The following KIF17 variants were observed in gnomAD, a reference collection of about 807,000 sequenced individuals.
KIF17 encodes the protein kinesin family member 17, also known as kinesin-like protein KIF17.
KIF17 carries 80 observed loss-of-function variants against 96.8 expected under a neutral mutation model. That is an observed-to-expected ratio of 0.83 (90% CI 0.69 to 1.00). KIF17 has a LOEUF of 1.00. Among genes scored for constraint, KIF17 ranks in the 50% least tolerant of loss-of-function variants. The pLI is 0.00. For missense variants in KIF17, 1,280 were observed against 1,372.9 expected (o/e 0.93, Z 1.07); for synonymous variants, 567 against 587.5 (o/e 0.97, Z 0.51).
intron 6 of KIF17, 106 bp downstream of exon 6, chr1:20,698,273 G>T: frequency 2.6e-6 from 2 of 779,444 alleles, no homozygotes; most frequent in Non-Finnish European, 4.5e-6. Flanking sequence ...CAAACCCACG[G>T]TGAAGGTACG....
intron 6 of KIF17, among the ~76,000 whole-genome samples, chr1:20,696,390 G>A (rs1042988273): frequency 2.0e-4 from 31 of 152,198 alleles, no homozygotes; most frequent in South Asian, 4.1e-4. Flanking sequence ...CATCTTCAAC[G>A]CTTCCTCCAA....
In KIF17 at chr1:20,685,750, C is replaced by T. The variant is rs140090342; in HGVS notation, c.2019+296G>A. 2.0e-4 allele frequency among the ~76,000 whole-genome samples: 30 copies of T among 152,308 alleles called. No homozygotes were observed. In the East Asian group the frequency reaches 5.0e-3, roughly 26 times the overall value. On this transcript the variant is annotated intron_variant, in intron 9 of 14. Transcript: ENST00000400463. The surrounding 1 kb of genome is among the most constrained non-coding windows in gnomAD (Gnocchi z 4.1). The stretch of plus-strand genomic sequence containing the variant: ...GCCACCAGCCCTGACCTGCAGCCCT[C>T]GTCCTTTGCACACACTGGGCCTCAA...
In KIF17 at chr1:20,664,328, CG is replaced by C; in HGVS notation, c.*255del. On this transcript the variant is annotated 3_prime_UTR_variant, in exon 15 of 15. Coordinates refer to ENST00000400463, the MANE Select transcript of KIF17 (RefSeq NM_001122819.3). ...GTGGGCTCTGTGGCAGGTGAGCAGA[CG>C]GAAACACTGATGTGGTATGAACAGC... 7.2e-7 allele frequency: 1 copy of C among 1,393,656 alleles called. No individual in the cohort carries two copies. Among genetic ancestry groups the C allele is most frequent in the East Asian group, 2.7e-5 (1 of 36,546 alleles). 86.3% of individuals were successfully genotyped at this position (1,393,656 alleles called of 1,614,324 possible). A position where few individuals can be genotyped will look rare whatever the true frequency, so the allele number is the denominator to read the frequency against.
At chr1:20,705,893 CTTTTTTTTTTTTTTT>C (rs747719983) in intron 4 of KIF17, among the ~76,000 whole-genome samples, 21 of 53,566 alleles carry the variant, frequency 3.9e-4, no homozygotes, top group Middle Eastern at 0.019. Context: ...TAGGATGTCT[CTTTTTTTTTTTTTTT>C]TTTTTTTTTT....
chr1:20,693,399 G>A lies in KIF17; in HGVS notation c.1234-3064C>T, dbSNP rs34412999. On this transcript the variant is annotated intron_variant, in intron 6 of 14. Transcript: ENST00000400463. The stretch of plus-strand genomic sequence containing the variant: ...CCCACCTCAGCCTCCCGAGAAGCTG[G>A]GACCACAGGCACCCACCACCACACT... 4.3e-3 allele frequency among the ~76,000 whole-genome samples: 656 copies of A among 151,608 alleles called. 2 individuals carry two copies. Among genetic ancestry groups the A allele is most frequent in the Middle Eastern group, 6.8e-3 (2 of 294 alleles).
At chr1:20,678,581 C>T (rs145551515) in intron 11 of KIF17, among the ~76,000 whole-genome samples, 181 of 152,122 alleles carry the variant, frequency 1.2e-3, no homozygotes, top group African/African-American at 4.0e-3. Flanking sequence ...AGACAGAGAA[C>T]GCTGGAACCT....
At chr1:20,713,998 C>A (rs1344866373) in intron 2 of KIF17, among the ~76,000 whole-genome samples, 1 of 151,976 alleles carries the variant, frequency 6.6e-6, no homozygotes, top group Non-Finnish European at 1.5e-5. Flanking sequence ...ACCAGCCTGA[C>A]CAACAAGGTG....
intron 4 of KIF17, among the ~76,000 whole-genome samples, chr1:20,705,539 T>A (rs533908205): frequency 2.0e-4 from 31 of 152,306 alleles, no homozygotes; most frequent in African/African-American, 6.3e-4. Flanking sequence ...AGCCGCTGCC[T>A]CTGTGCCGGC....
Position 20,706,683 on chromosome 1 carries a change from C to T in KIF17, c.671-1784G>A, listed in dbSNP as rs999247205. 2.6e-5 allele frequency among the ~76,000 whole-genome samples: 4 copies of T among 151,708 alleles called. No homozygotes were observed. In the East Asian group the frequency reaches 5.9e-4, roughly 22 times the overall value. ...GGAGGATTGCTTGACCCCAGGAGTT[C>T]GAGACCAGCCTGGAAAACATGGCAA... is the stretch of plus-strand genomic sequence containing the variant. On this transcript the variant is annotated intron_variant, in intron 4 of 14. Transcript: ENST00000400463.
Position 20,709,634 on chromosome 1 carries a change from C to A in KIF17, c.670+5G>T, listed in dbSNP as rs2054401784. 4.3e-6 allele frequency: 7 copies of A among 1,613,908 alleles called. No homozygotes were observed. Among genetic ancestry groups the A allele is most frequent in the Non-Finnish European group, 5.9e-6 (7 of 1,180,006 alleles). ...CCCCCTGCCCCCAACAATGGCCTCG[C>A]ATACCCACGGCAGACATCTCGATGC... On this transcript the variant is annotated splice_donor_5th_base_variant and intron_variant, in intron 4 of 14. Coordinates refer to ENST00000400463, the MANE Select transcript of KIF17 (RefSeq NM_001122819.3). The surrounding 1 kb of genome is among the most constrained non-coding windows in gnomAD (Gnocchi z 4.7).
At chr1:20,673,254 A>G (rs762699609) in intron 11 of KIF17, among the ~76,000 whole-genome samples, 5 of 151,928 alleles carry the variant, frequency 3.3e-5, no homozygotes, top group Non-Finnish European at 5.9e-5. Flanking sequence ...AAAATAAAAG[A>G]AGGATGTTTG....
intron 14 of KIF17, among the ~76,000 whole-genome samples, chr1:20,665,550 C>T (rs1346742227): frequency 3.9e-5 from 6 of 151,944 alleles, no homozygotes; most frequent in Non-Finnish European, 7.4e-5. Context: ...CAGGCACACG[C>T]CACTACCGCC....
rs778812661 is a variant in KIF17 at position 20,717,697 on chromosome 1, C to T, written c.10G>A (p.Glu4Lys). 2 of 1,591,348 alleles carry T rather than the reference C, an allele frequency of 1.3e-6. No individual in the cohort carries two copies. The highest frequency in any genetic ancestry group is 1.7e-6 in the Non-Finnish European group (2 of 1,174,988). The change falls in exon 1 of 15, where the codon GAG becomes AAG. Residue 4 changes from glutamate to lysine, a missense_variant. Coordinates refer to ENST00000400463, the MANE Select transcript of KIF17 (RefSeq NM_001122819.3). ...CAGCGCACGACAACCTTCACCGCCTCGGAGGCCATGGCGCCGCGCCCAGGA... is the reference window on the plus strand; with the variant it reads ...CAGCGCACGACAACCTTCACCGCCTTGGAGGCCATGGCGCCGCGCCCAGGA... MAS[E>K]AVKVVVRCRP...
chr1:20,717,297 T>C (rs519209), intron 1 of KIF17, 179 bp downstream of exon 1: 424,230 of 652,460 alleles, frequency 0.65, 139,430 homozygotes, highest in East Asian at 0.84. Context: ...GGAGGCGACA[T>C]TAGAGGCAGG....
At chr1:20,706,213 T>C (rs577141931) in intron 4 of KIF17, among the ~76,000 whole-genome samples, 12 of 151,658 alleles carry the variant, frequency 7.9e-5, no homozygotes, top group Non-Finnish European at 1.3e-4. Context: ...GACTTGTTGA[T>C]TTTTCTTTAG....
Position 20,709,380 on chromosome 1 carries a change from A to T in KIF17, c.670+259T>A, listed in dbSNP as rs1468073816. On this transcript the variant is annotated intron_variant, in intron 4 of 14. Transcript: ENST00000400463. This position sits in a 1 kb window ranked among gnomAD's most constrained non-coding sequence, Gnocchi z 4.7. ...GGTGACAGGGTGACACTTTGTCTCA[A>T]AAAACAAATAAATAAATAAAAATTG... Among the ~76,000 whole-genome samples, 2 of 152,164 alleles carry T rather than the reference A, an allele frequency of 1.3e-5. No individual in the cohort carries two copies. The highest frequency in any genetic ancestry group is 4.8e-5 in the African/African-American group (2 of 41,434).
At position 20,685,046 on chromosome 1, in the gene KIF17, G is replaced by C; in HGVS notation, c.2020-26C>G. 2 of 1,554,692 alleles carry C rather than the reference G, an allele frequency of 1.3e-6. No individual in the cohort carries two copies. The highest frequency in any genetic ancestry group is 1.7e-6 in the Non-Finnish European group (2 of 1,146,140). ...CTGAGTGTGAAGAGAAACCCAGGTG[G>C]AGGTGGGAAGGCCGCCCCAACCCCC... is the stretch of plus-strand genomic sequence containing the variant. On this transcript the variant is annotated intron_variant, in intron 9 of 14. Coordinates refer to ENST00000400463, the MANE Select transcript of KIF17 (RefSeq NM_001122819.3). This position sits in a 1 kb window ranked among gnomAD's most constrained non-coding sequence, Gnocchi z 4.1.
chr1:20,684,627 T>C (rs1407875669), intron 10 of KIF17, among the ~76,000 whole-genome samples, 182 bp downstream of exon 10: 1 of 152,148 alleles, frequency 6.6e-6, no homozygotes, highest in African/African-American at 2.4e-5. Flanking sequence ...GGTGGCAGCC[T>C]GTGTCTGGAG....
chr1:20,690,260 C>T lies in KIF17; in HGVS notation c.1309G>A (p.Asp437Asn). 1 of 1,603,500 alleles carries T rather than the reference C, an allele frequency of 6.2e-7. No homozygotes were observed. The highest frequency in any genetic ancestry group is 8.5e-7 in the Non-Finnish European group (1 of 1,175,334). ...EQESRARLEE[D>N]ITAMRNSYDV... ...TATGAGTTGCGCATGGCAGTGATGT[C>T]TTCCTCCAGCCTGGCCCGAGACTCC... Residue 437 changes from aspartate to asparagine, a missense_variant, in exon 7 of 15, where the codon GAC (aspartate) becomes AAC (asparagine). Coordinates refer to ENST00000400463, the MANE Select transcript of KIF17 (RefSeq NM_001122819.3).
Sources: allele counts gnomAD v4.1 joint callset (sites outside exome capture counted in the v4.1 genomes callset), GRCh38; gene constraint gnomAD v4.1.1; non-coding constraint Gnocchi (gnomAD v3.1); transcripts MANE v1.5; gene names NCBI Gene and HGNC (gene_info 2026-07-23, HGNC 2026-07-21).